The following KCNH8 variants were observed in gnomAD, a reference collection of about 807,000 sequenced individuals.
KCNH8 encodes the protein potassium voltage-gated channel subfamily H member 8, also known as voltage-gated delayed rectifier potassium channel KCNH8.
A neutral mutation model predicts 103.6 loss-of-function variants in KCNH8; 70 were observed. That is an observed-to-expected ratio of 0.68 (90% CI 0.56 to 0.82). The LOEUF (loss-of-function observed/expected upper bound fraction) is 0.82, where lower values mean the gene tolerates loss of function less well. Among genes scored for constraint, KCNH8 ranks in the 40% least tolerant of loss-of-function variants. The pLI is 0.00. For missense variants in KCNH8, 1,217 were observed against 1,329.9 expected, an observed-to-expected ratio of 0.92 and a Z score of 1.32; for synonymous variants, 498 against 489.4, an observed-to-expected ratio of 1.02 and a Z score of -0.23.
intron 3 of KCNH8, among the ~76,000 whole-genome samples, chr3:19,304,907 A>G (rs2065110457): frequency 6.6e-6 from 1 of 152,102 alleles, no homozygotes; most frequent in African/African-American, 2.4e-5. Context: ...ACTGTATTGG[A>G]AAGCATAGAT....
intron 1 of KCNH8, among the ~76,000 whole-genome samples, chr3:19,223,710 T>C (rs1041654899): frequency 6.6e-6 from 1 of 152,190 alleles, no homozygotes; most frequent in African/African-American, 2.4e-5. Flanking sequence ...CTTTGTCTCC[T>C]ATTCTTATTT....
In KCNH8 at chr3:19,202,665, T is replaced by C. The variant is rs17005752; in HGVS notation, c.77-50989T>C. 4.8e-3 allele frequency among the ~76,000 whole-genome samples: 736 copies of C among 152,262 alleles called. 8 individuals carry two copies. Among genetic ancestry groups the C allele is most frequent in the African/African-American group, 0.017 (691 of 41,552 alleles). On this transcript the variant is annotated intron_variant, in intron 1 of 15. Coordinates refer to ENST00000328405, the MANE Select transcript of KCNH8 (RefSeq NM_144633.3). Reference sequence around the variant, plus strand: ...AGAGAGGATGCACAGTCCTGTTCTATAGAGAGTAGTCTGTAACTTTTTGTT... The same window carrying C: ...AGAGAGGATGCACAGTCCTGTTCTACAGAGAGTAGTCTGTAACTTTTTGTT...
At chr3:19,207,665 G>T (rs779888638) in intron 1 of KCNH8, among the ~76,000 whole-genome samples, 1 of 151,870 alleles carries the variant, frequency 6.6e-6, no homozygotes, top group Non-Finnish European at 1.5e-5. Context: ...TTTTTATGAC[G>T]TTCCTTTTCA....
chr3:19,283,171 C>T (rs571883944), intron 3 of KCNH8, among the ~76,000 whole-genome samples: 4 of 152,256 alleles, frequency 2.6e-5, no homozygotes, highest in South Asian at 2.1e-4. Context: ...GCTAGCATGT[C>T]GCACTAGTAG....
intron 5 of KCNH8, among the ~76,000 whole-genome samples, chr3:19,349,852 C>A (rs1410135341): frequency 6.6e-6 from 1 of 152,128 alleles, no homozygotes; most frequent in African/African-American, 2.4e-5. Flanking sequence ...GACTGTGCTT[C>A]AGCAGCAAGA....
chr3:19,201,022 A>G (rs1456756637), intron 1 of KCNH8, among the ~76,000 whole-genome samples: 1 of 151,806 alleles, frequency 6.6e-6, no homozygotes, highest in Non-Finnish European at 1.5e-5. Context: ...ACCTGAGGTC[A>G]GGAGTTAGTG....
Position 19,156,348 on chromosome 3 carries a change from T to A in KCNH8, c.76+7553T>A, listed in dbSNP as rs1042690570. On this transcript the variant is annotated intron_variant, in intron 1 of 15. Coordinates refer to ENST00000328405, the MANE Select transcript of KCNH8 (RefSeq NM_144633.3). ...CTGTGATTTTTCTACTATATCATAC[T>A]GCCTCTAAAATGTGCTTGTATAGCA... 2.0e-5 allele frequency among the ~76,000 whole-genome samples: 3 copies of A among 152,216 alleles called. No individual in the cohort carries two copies. In the South Asian group the frequency reaches 6.2e-4, roughly 31 times the overall value.
rs983891252 is a variant in KCNH8, at chr3:19,285,451, T to C, written c.442+4122T>C. 5.3e-5 allele frequency among the ~76,000 whole-genome samples: 8 copies of C among 152,270 alleles called. No individual in the cohort carries two copies. In the East Asian group the frequency reaches 1.3e-3, roughly 26 times the overall value. The stretch of plus-strand genomic sequence containing the variant: ...TCATACATATCTCCTACATTTGTTA[T>C]AGGTTTATAAGAGATAATATATGCA... On this transcript the variant is annotated intron_variant, in intron 3 of 15. Transcript: ENST00000328405.
intron 11 of KCNH8, among the ~76,000 whole-genome samples, chr3:19,501,532 A>C (rs1312866941): frequency 6.6e-6 from 1 of 152,180 alleles, no homozygotes; most frequent in Non-Finnish European, 1.5e-5. Flanking sequence ...CCTCAATAAA[A>C]TACTGGCAAA....
chr3:19,486,259 G>C (rs1260725166), intron 11 of KCNH8, among the ~76,000 whole-genome samples: 1 of 152,234 alleles, frequency 6.6e-6, no homozygotes, highest in Admixed American at 6.5e-5. Context: ...CTGATAATGG[G>C]AACAGGGTGG....
intron 11 of KCNH8, among the ~76,000 whole-genome samples, chr3:19,503,437 C>G (rs978977891): frequency 2.6e-5 from 4 of 152,006 alleles, no homozygotes; most frequent in Admixed American, 1.3e-4. Context: ...GATATATACC[C>G]AAAGGACTAT....
At chr3:19,352,769 C>T (rs1053257313) in intron 5 of KCNH8, among the ~76,000 whole-genome samples, 4 of 152,070 alleles carry the variant, frequency 2.6e-5, no homozygotes, top group Non-Finnish European at 4.4e-5. Flanking sequence ...TAAATGCCCA[C>T]AAGAGAAAGC....
chr3:19,509,764 T>A (rs891423139), intron 11 of KCNH8, among the ~76,000 whole-genome samples: 2 of 152,144 alleles, frequency 1.3e-5, no homozygotes, highest in Middle Eastern at 3.2e-3. Flanking sequence ...GGATTCCCAG[T>A]AAACTGAAAC....
chr3:19,306,799 TATC>T (rs1296539377), intron 3 of KCNH8, among the ~76,000 whole-genome samples: 4 of 152,066 alleles, frequency 2.6e-5, no homozygotes, highest in Non-Finnish European at 5.9e-5. Context: ...GGAAATGTGA[TATC>T]ATATCAAGGA....
chr3:19,441,435 A>G (rs2125174536), intron 8 of KCNH8, among the ~76,000 whole-genome samples: 1 of 152,314 alleles, frequency 6.6e-6, no homozygotes, highest in South Asian at 2.1e-4. Flanking sequence ...TTTCTTCTAA[A>G]TCTTCCAACT....
intron 1 of KCNH8, among the ~76,000 whole-genome samples, chr3:19,168,656 C>CTTAGG: frequency 6.6e-6 from 1 of 152,288 alleles, no homozygotes; most frequent in South Asian, 2.1e-4. Flanking sequence ...AGCCATAAAC[C>CTTAGG]TTAGAATGAG....
At chr3:19,309,548 CTG>C (rs1305413013) in intron 3 of KCNH8, among the ~76,000 whole-genome samples, 2 of 151,920 alleles carry the variant, frequency 1.3e-5, no homozygotes, top group African/African-American at 2.4e-5. Context: ...ACATAAACCA[CTG>C]TCAATTGGAG....
At chr3:19,299,821 CTATTTTAATA>C (rs983381532) in intron 3 of KCNH8, among the ~76,000 whole-genome samples, 9 of 151,712 alleles carry the variant, frequency 5.9e-5, no homozygotes, top group African/African-American at 1.9e-4. Context: ...AGCTAAAAAC[CTATTTTAATA>C]TATTTTAATA....
chr3:19,204,349 T>C (rs2125219960), intron 1 of KCNH8, among the ~76,000 whole-genome samples: 1 of 152,170 alleles, frequency 6.6e-6, no homozygotes, highest in East Asian at 1.9e-4. Flanking sequence ...TACACAGCTG[T>C]CTACTGCTAA....
Sources: allele counts gnomAD v4.1 joint callset (sites outside exome capture counted in the v4.1 genomes callset), GRCh38; gene constraint gnomAD v4.1.1; transcripts MANE v1.5; gene names NCBI Gene and HGNC (gene_info 2026-07-23, HGNC 2026-07-21).